Variants in ZMYM2 observed in about 807,000 individuals in gnomAD.
The protein encoded by ZMYM2 is zinc finger MYM-type containing 2.
ZMYM2 carries 56 observed loss-of-function variants against 162.8 expected under a neutral mutation model. That is an observed-to-expected ratio of 0.34 (90% CI 0.28 to 0.43). The LOEUF (loss-of-function observed/expected upper bound fraction) is 0.43. ZMYM2 is among the 20% of genes least tolerant of loss of function. ZMYM2 has a pLI of 1.00. For missense variants in ZMYM2, 1,275 were observed against 1,621.8 expected (o/e 0.79, Z 3.67); for synonymous variants, 510 against 541.6 (o/e 0.94, Z 0.81).
chr13:20,081,548 G>A (rs1246434793), intron 21 of ZMYM2, among the ~76,000 whole-genome samples: 1 of 152,150 alleles, frequency 6.6e-6, no homozygotes, highest in Admixed American at 6.5e-5. Context: ...AGTGCTAGAA[G>A]AGAGCTTTCA....
chr13:20,064,661 TA>T (rs1345698992), intron 19 of ZMYM2, 116 bp downstream of exon 19: 1 of 550,832 alleles, frequency 1.8e-6, no homozygotes, highest in Admixed American at 4.4e-5. Context: ...GGTTGGAAAA[TA>T]ATTTATTTTC....
In ZMYM2 at chr13:19,993,215, A is replaced by G; in HGVS notation, c.143A>G (p.Lys48Arg). 6.2e-7 allele frequency: 1 copy of G among 1,613,978 alleles called. No homozygotes were observed. Among genetic ancestry groups the G allele is most frequent in the South Asian group, 1.1e-5 (1 of 91,078 alleles). Residue 48 changes from lysine (K) to arginine (R), a missense_variant, in exon 3 of 25, where the codon AAG becomes AGG. Physicochemically the swap from Lys to Arg is conservative, Grantham distance 26. This residue lies in a region of ZMYM2 where 295 missense variants were observed against 286.7 expected (regional missense o/e 1.03). Transcript: ENST00000610343. ...PANPLVSRSN[K>R]FQNSSVEDDD... ...AATCCTTTAGTGTCTAGATCTAATA[A>G]GTTTCAGAACTCGTCAGTGGAAGAT...
Position 19,993,241 on chromosome 13 carries a change from G to T in ZMYM2, c.169G>T (p.Asp57Tyr). 6.2e-7 allele frequency: 1 copy of T among 1,613,982 alleles called. No homozygotes were observed. Among genetic ancestry groups the T allele is most frequent in the Non-Finnish European group, 8.5e-7 (1 of 1,179,888 alleles). ...NKFQNSSVED[D>Y]DDVVFIEPVQ... Reference sequence around the variant, plus strand: ...GTTTCAGAACTCGTCAGTGGAAGATGATGATGATGTTGTTTTTATCGAACC... The same window carrying T: ...GTTTCAGAACTCGTCAGTGGAAGATTATGATGATGTTGTTTTTATCGAACC... Residue 57 changes from aspartate (D) to tyrosine (Y), a missense_variant, in exon 3 of 25, where the codon GAT (aspartate) becomes TAT (tyrosine). This residue lies in a region of ZMYM2 where 295 missense variants were observed against 286.7 expected (regional missense o/e 1.03). Coordinates refer to ENST00000610343, the MANE Select transcript of ZMYM2 (RefSeq NM_197968.4).
At chr13:20,016,768 TTTTC>T (rs1339768970) in intron 6 of ZMYM2, among the ~76,000 whole-genome samples, 7 of 152,234 alleles carry the variant, frequency 4.6e-5, no homozygotes, top group African/African-American at 1.2e-4. Flanking sequence ...TCTTTCCGTA[TTTTC>T]TTTGTCTTTT....
intron 21 of ZMYM2, among the ~76,000 whole-genome samples, chr13:20,076,773 A>G (rs1017426301): frequency 2.7e-5 from 4 of 150,580 alleles, no homozygotes; most frequent in Non-Finnish European, 5.9e-5. Context: ...ATTCTATTAA[A>G]ATACATAGAG....
the ZMYM2 span, among the ~76,000 whole-genome samples, chr13:19,933,500 T>C: frequency 6.6e-6 from 1 of 152,240 alleles, no homozygotes; most frequent in Non-Finnish European, 1.5e-5. Context: ...ATAAGATATC[T>C]AGCCTGACTG....
intron 2 of ZMYM2, among the ~76,000 whole-genome samples, chr13:19,981,122 A>G (rs1957279949): frequency 6.6e-6 from 1 of 151,996 alleles, no homozygotes; most frequent in Admixed American, 6.6e-5. Context: ...AAATAAAACA[A>G]TTAGCTAGGC....
chr13:19,964,872 G>T (rs1206150823), intron 2 of ZMYM2, among the ~76,000 whole-genome samples: 1 of 152,074 alleles, frequency 6.6e-6, no homozygotes, highest in African/African-American at 2.4e-5. Context: ...GGATAAATTT[G>T]CTAGGAATAT....
chr13:20,076,305 C>G (rs747047058), intron 21 of ZMYM2, among the ~76,000 whole-genome samples: 15 of 150,436 alleles, frequency 1.0e-4, no homozygotes, highest in Non-Finnish European at 1.6e-4. Flanking sequence ...TGTATACTTT[C>G]CTTCCTCCTC....
intron 21 of ZMYM2, among the ~76,000 whole-genome samples, chr13:20,074,691 A>G (rs1957360141): frequency 6.6e-6 from 1 of 152,012 alleles, no homozygotes; most frequent in Admixed American, 6.6e-5. Context: ...GGCGCCTGCA[A>G]CCACGCCCGG....
At chr13:20,060,984 T>G in intron 16 of ZMYM2, 69 bp from the exon 17 acceptor site, 1 of 1,447,052 alleles carries the variant, frequency 6.9e-7, no homozygotes, top group Non-Finnish European at 9.4e-7. Flanking sequence ...TGTGTCAGAG[T>G]AATTTTTAAT....
At chr13:20,074,454 T>G (rs1957337916) in intron 21 of ZMYM2, among the ~76,000 whole-genome samples, 1 of 152,096 alleles carries the variant, frequency 6.6e-6, no homozygotes, top group South Asian at 2.1e-4. Context: ...CAGTCTGGTC[T>G]CGAACTCCTG....
At chr13:20,077,240 C>G (rs370812216) in intron 21 of ZMYM2, among the ~76,000 whole-genome samples, 5 of 150,662 alleles carry the variant, frequency 3.3e-5, no homozygotes, top group African/African-American at 5.0e-5. Context: ...TGACAACTTA[C>G]ATTTACTGAC....
intron 7 of ZMYM2, chr13:20,024,269 A>G (rs773161517): frequency 2.9e-4 from 54 of 186,850 alleles, no homozygotes; most frequent in Middle Eastern, 2.0e-3. Context: ...GTCTGTATGA[A>G]ACAGTTGCCT....
At chr13:20,003,184 G>T (rs1041214933) in intron 4 of ZMYM2, 49 bp downstream of exon 4, 2 of 1,542,670 alleles carry the variant, frequency 1.3e-6, no homozygotes, top group African/African-American at 1.4e-5. Flanking sequence ...TTTTGGAGTT[G>T]TAAAATTTTA....
At chr13:19,874,868 A>G in the ZMYM2 span, among the ~76,000 whole-genome samples, 4 of 152,208 alleles carry the variant, frequency 2.6e-5, no homozygotes, top group African/African-American at 9.6e-5. Flanking sequence ...AATTAACATC[A>G]TGATGAGATA....
the ZMYM2 span, among the ~76,000 whole-genome samples, chr13:19,951,592 C>T: frequency 6.7e-6 from 1 of 148,928 alleles, no homozygotes; most frequent in Non-Finnish European, 1.5e-5. Flanking sequence ...ATTCCAGCTA[C>T]TCAAGAGATT....
intron 1 of ZMYM2, among the ~76,000 whole-genome samples, chr13:19,959,385 C>T (rs1233946933): frequency 2.6e-5 from 4 of 152,132 alleles, no homozygotes; most frequent in Admixed American, 1.3e-4. Context: ...GGGTCCCCTC[C>T]TTCGCTCTTC....
upstream of ZMYM2, among the ~76,000 whole-genome samples, chr13:19,956,612 G>T (rs1329527735): frequency 6.6e-6 from 1 of 152,114 alleles, no homozygotes; most frequent in Non-Finnish European, 1.5e-5. Context: ...AATTTAAAAA[G>T]TAAATAATAA....
Sources: gnomAD v4.1 joint callset for allele counts (sites outside exome capture counted in the v4.1 genomes callset) on GRCh38, gnomAD v4.1.1 for gene constraint, gnomAD v4.1.1 regional missense constraint, MANE v1.5 for transcripts, NCBI Gene and HGNC (gene_info 2026-07-23, HGNC 2026-07-21) for gene names.